GIN1: variants seen among roughly 807,000 people sequenced by gnomAD.
GIN1 encodes the protein gypsy retrotransposon integrase-like protein 1.
GIN1 carries 41 observed loss-of-function variants against 51.4 expected under a neutral mutation model. The ratio of observed to expected loss-of-function variants is 0.80; its 90% CI spans 0.62 to 1.04. GIN1 has a LOEUF of 1.04. GIN1 is among the 50% of genes least tolerant of loss of function. The pLI is 0.00. For synonymous variants in GIN1, 222 were observed against 206.5 expected (o/e 1.07, Z -0.64); for missense variants, 610 against 612.4 (o/e 1.00, Z 0.04).
intron 4 of GIN1, among the ~76,000 whole-genome samples, chr5:103,101,793 T>C (rs529392342): frequency 6.6e-6 from 1 of 152,366 alleles, no homozygotes; most frequent in African/African-American, 2.4e-5. Flanking sequence ...GTCAGAATGC[T>C]ATTATCAATC....
At chr5:103,109,880 T>C (rs1787825464) in intron 1 of GIN1, among the ~76,000 whole-genome samples, 1 of 152,106 alleles carries the variant, frequency 6.6e-6, no homozygotes, top group African/African-American at 2.4e-5. Context: ...CCAATTGGCA[T>C]AAGGACAGAC....
intron 4 of GIN1, among the ~76,000 whole-genome samples, chr5:103,104,324 G>C (rs553310958): frequency 6.6e-6 from 1 of 152,218 alleles, no homozygotes; most frequent in Non-Finnish European, 1.5e-5. Context: ...GAGGATATCT[G>C]AAGATAGGTT....
At chr5:103,112,244 A>G (rs1267120657) in intron 1 of GIN1, among the ~76,000 whole-genome samples, 1 of 152,090 alleles carries the variant, frequency 6.6e-6, no homozygotes, top group African/African-American at 2.4e-5. Context: ...TTTCCTACAG[A>G]TTTTCATATT....
At chr5:103,110,023 A>G (rs1448397008) in intron 1 of GIN1, among the ~76,000 whole-genome samples, 1 of 152,156 alleles carries the variant, frequency 6.6e-6, no homozygotes, top group Non-Finnish European at 1.5e-5. Context: ...GGACAATTAG[A>G]TAACTGTATT....
At chr5:103,097,871 C>G (rs1787453377) in intron 4 of GIN1, 90 bp from the exon 5 acceptor site, 2 of 616,558 alleles carry the variant, frequency 3.2e-6, no homozygotes, top group South Asian at 4.5e-5. Context: ...GAATTAGAAT[C>G]TTGCCTTTTA....
chr5:103,097,264 A>G lies in GIN1; in HGVS notation c.1008+50T>C, dbSNP rs182983870. The G allele has an allele frequency of 5.9e-4, 658 of 1,119,152 alleles. 6 individuals are homozygous for G. The African/African-American group carries it at 9.3e-3, about 16-fold the overall frequency. The allele number at this position is 1,119,152 out of a possible 1,614,324, so 69.3% of individuals were successfully genotyped here. The stretch of plus-strand genomic sequence containing the variant: ...ATATGCTGAAATTTTAAAAATAAAT[A>G]TAACTTTTATAAAGTTTTAGATTAC... On this transcript the variant is annotated intron_variant, in intron 6 of 7. Coordinates refer to ENST00000399004, the MANE Select transcript of GIN1 (RefSeq NM_017676.2).
intron 7 of GIN1, among the ~76,000 whole-genome samples, chr5:103,088,894 A>G (rs1787155555): frequency 6.6e-6 from 1 of 152,214 alleles, no homozygotes; most frequent in African/African-American, 2.4e-5. Context: ...TATTTTAACA[A>G]ATAGAATTAT....
chr5:103,115,854 A>G (rs1788017175), intron 1 of GIN1, among the ~76,000 whole-genome samples: 1 of 152,186 alleles, frequency 6.6e-6, no homozygotes, highest in South Asian at 2.1e-4. Context: ...AGATGGCAGC[A>G]GGGGATGACA....
At chr5:103,114,809 T>C (rs546086608) in intron 1 of GIN1, among the ~76,000 whole-genome samples, 4 of 152,318 alleles carry the variant, frequency 2.6e-5, no homozygotes, top group African/African-American at 9.6e-5. Context: ...GACATGAGAC[T>C]AGCCAGAGAA....
At chr5:103,097,267 A>G in intron 6 of GIN1, 47 bp downstream of exon 6, 1 of 1,142,444 alleles carries the variant, frequency 8.8e-7, no homozygotes, top group South Asian at 1.4e-5. Flanking sequence ...AATAAATATA[A>G]CTTTTATAAA....
At chr5:103,102,724 C>G (rs782125012) in intron 4 of GIN1, 1 of 151,990 alleles carries the variant, frequency 6.6e-6, no homozygotes, top group Admixed American at 6.6e-5. Context: ...CCAGCCTGGG[C>G]AACATGGTGA....
intron 2 of GIN1, 136 bp downstream of exon 2, chr5:103,108,433 G>C: frequency 1.7e-6 from 1 of 602,640 alleles, no homozygotes; most frequent in Non-Finnish European, 2.9e-6. Flanking sequence ...TTTTGCTTTT[G>C]ATTGAGTGGC....
At chr5:103,105,407 T>A (rs1245347606) in intron 3 of GIN1, among the ~76,000 whole-genome samples, 1 of 152,218 alleles carries the variant, frequency 6.6e-6, no homozygotes, top group Non-Finnish European at 1.5e-5. Flanking sequence ...AAGTTTCCTA[T>A]TAAATCAGTA....
chr5:103,095,210 T>C (rs1554194883), intron 7 of GIN1, among the ~76,000 whole-genome samples: 1 of 152,220 alleles, frequency 6.6e-6, no homozygotes, highest in Non-Finnish European at 1.5e-5. Context: ...CCTGGCTAAG[T>C]TACTCATTAA....
chr5:103,099,931 A>G (rs1787522092), intron 4 of GIN1, among the ~76,000 whole-genome samples: 1 of 152,136 alleles, frequency 6.6e-6, no homozygotes, highest in East Asian at 1.9e-4. Context: ...CTGCATCAGT[A>G]TTTGCTGACA....
chr5:103,093,462 G>A (rs1167234564), intron 7 of GIN1, among the ~76,000 whole-genome samples: 1 of 152,192 alleles, frequency 6.6e-6, no homozygotes, highest in African/African-American at 2.4e-5. Flanking sequence ...AGAGCTTCCA[G>A]ACAGGAACAC....
At chr5:103,096,876 C>A in intron 6 of GIN1, 50 bp from the exon 7 acceptor site, 1 of 1,181,768 alleles carries the variant, frequency 8.5e-7, no homozygotes, top group Non-Finnish European at 1.2e-6. Flanking sequence ...GCTATAATAT[C>A]TTGAAGGTAA....
Position 103,097,384 on chromosome 5 carries a change from A to C in GIN1, c.938T>G (p.Phe313Cys). The C allele has an allele frequency of 6.3e-7, 1 of 1,594,376 alleles. No individual in the cohort carries two copies. Among genetic ancestry groups the C allele is most frequent in the South Asian group, 1.1e-5 (1 of 90,424 alleles). Reference protein sequence around the residue: ...HEVDGDNTSMFAKILDAIKEA... With the variant: ...HEVDGDNTSMCAKILDAIKEA... ...TTTAATTGCATCTAGAATTTTGGCA[A>C]ACATACTTGTATTATCACCATCCAC... is the stretch of plus-strand genomic sequence containing the variant. The change falls in exon 6 of 8, where the codon TTT (phenylalanine) becomes TGT (cysteine). Residue 313 changes from phenylalanine (F) to cysteine (C), a missense_variant. Phe to Cys is a radical substitution (Grantham distance 205, BLOSUM62 -2). Coordinates refer to ENST00000399004, the MANE Select transcript of GIN1 (RefSeq NM_017676.2).
chr5:103,087,658 CT>C lies in GIN1; in HGVS notation c.*239del. The C allele has an allele frequency of 3.7e-6, 1 of 269,334 alleles. No individual in the cohort carries two copies. Among genetic ancestry groups the C allele is most frequent in the Non-Finnish European group, 6.8e-6 (1 of 146,328 alleles). 16.7% of individuals were successfully genotyped at this position (269,334 alleles called of 1,614,324 possible). ...TTCCCAAGAAGTAGGGGTGCTTTGC[CT>C]GTTCTCTTTTTAGAAGAAAAAGTGA... On this transcript the variant is annotated 3_prime_UTR_variant, in exon 8 of 8. Coordinates refer to ENST00000399004, the MANE Select transcript of GIN1 (RefSeq NM_017676.2).
Sources: gnomAD v4.1 joint callset for allele counts (sites outside exome capture counted in the v4.1 genomes callset) on GRCh38, gnomAD v4.1.1 for gene constraint, MANE v1.5 for transcripts, NCBI Gene and HGNC (gene_info 2026-07-23, HGNC 2026-07-21) for gene names.